The following B4GALT6 variants were observed in gnomAD, a reference collection of about 807,000 sequenced individuals.
B4GALT6 encodes beta-1,4-galactosyltransferase 6, also known as UDP-Gal:beta-GlcNAc beta-1,4-galactosyltransferase 6.
Under a neutral mutation model 46.3 loss-of-function variants are expected in B4GALT6, and 14 were observed. The observed-to-expected ratio is 0.30, with a 90% CI of 0.20 to 0.47. The LOEUF (loss-of-function observed/expected upper bound fraction) is 0.47, where lower values mean the gene tolerates loss of function less well. Among genes scored for constraint, B4GALT6 ranks in the 20% least tolerant of loss-of-function variants. The pLI is 0.99. For synonymous variants in B4GALT6, 168 were observed against 162.0 expected, an observed-to-expected ratio of 1.04 and a Z score of -0.28; for missense variants, 386 against 480.1, an observed-to-expected ratio of 0.80 and a Z score of 1.83.
At chr18:31,666,230 A>C in intron 2 of B4GALT6, 26 bp downstream of exon 2, 2 of 1,352,514 alleles carry the variant, frequency 1.5e-6, no homozygotes, top group Non-Finnish European at 2.1e-6. Context: ...TGTAACTACA[A>C]GGGGTTAAGC....
the B4GALT6 span, among the ~76,000 whole-genome samples, chr18:31,699,166 A>G: frequency 2.0e-5 from 3 of 152,032 alleles, no homozygotes; most frequent in Non-Finnish European, 4.4e-5. Flanking sequence ...TGAATTCTAC[A>G]ATAATTTTCA....
intron 6 of B4GALT6, among the ~76,000 whole-genome samples, chr18:31,627,993 C>T (rs991019581): frequency 6.6e-6 from 1 of 152,216 alleles, no homozygotes; most frequent in Admixed American, 6.5e-5. Flanking sequence ...GCTGCAACCA[C>T]AGCAAAGCTG....
the B4GALT6 span, among the ~76,000 whole-genome samples, chr18:31,720,985 C>T: frequency 6.6e-6 from 1 of 152,176 alleles, no homozygotes; most frequent in Non-Finnish European, 1.5e-5. Flanking sequence ...TACAGGGGAT[C>T]ATCACAGGAG....
chr18:31,653,797 C>A (rs192481414), intron 3 of B4GALT6, among the ~76,000 whole-genome samples: 237 of 152,282 alleles, frequency 1.6e-3, no homozygotes, highest in Non-Finnish European at 2.4e-3. Context: ...CTGCTCCAAG[C>A]TGCCACACAC....
At chr18:31,641,796 A>ATGCACCAT (rs1319359010) in intron 4 of B4GALT6, among the ~76,000 whole-genome samples, 3 of 152,338 alleles carry the variant, frequency 2.0e-5, no homozygotes, top group African/African-American at 7.2e-5. Flanking sequence ...TGCTGAACAT[A>ATGCACCAT]TGCACCATTT....
At chr18:31,642,645 T>A (rs967753609) in intron 4 of B4GALT6, among the ~76,000 whole-genome samples, 2 of 152,230 alleles carry the variant, frequency 1.3e-5, no homozygotes, top group Non-Finnish European at 2.9e-5. Context: ...CCTGCGCAGA[T>A]CTTCTACTTA....
intron 2 of B4GALT6, among the ~76,000 whole-genome samples, chr18:31,661,526 G>C (rs1376025830): frequency 6.6e-6 from 1 of 151,936 alleles, no homozygotes; most frequent in African/African-American, 2.4e-5. Context: ...TAATTAGCTA[G>C]TGTGCGCTCT....
intron 1 of B4GALT6, among the ~76,000 whole-genome samples, chr18:31,676,979 G>C (rs2144731454): frequency 6.6e-6 from 1 of 152,200 alleles, no homozygotes; most frequent in Middle Eastern, 3.4e-3. Context: ...TTCCAAATCA[G>C]TTTAACTTAT....
At chr18:31,704,597 G>C in the B4GALT6 span, among the ~76,000 whole-genome samples, 2 of 152,040 alleles carry the variant, frequency 1.3e-5, no homozygotes, top group Non-Finnish European at 2.9e-5. Flanking sequence ...CAAACACTCA[G>C]GTATTTGGAC....
chr18:31,668,848 A>AG (rs1286166881), intron 1 of B4GALT6, among the ~76,000 whole-genome samples: 9 of 52,380 alleles, frequency 1.7e-4, no homozygotes, highest in Non-Finnish European at 6.2e-4. Context: ...AAAAAAATAC[A>AG]AAAAAAAAAA....
intron 2 of B4GALT6, among the ~76,000 whole-genome samples, chr18:31,661,838 G>A (rs2074221437): frequency 6.6e-6 from 1 of 152,182 alleles, no homozygotes; most frequent in African/African-American, 2.4e-5. Flanking sequence ...TCCTGAGGCA[G>A]AAAAATATCT....
intron 3 of B4GALT6, among the ~76,000 whole-genome samples, chr18:31,649,564 TAAAAAATGAGCAAAAAAAAAAAAA>T (rs2074035577): frequency 1.9e-5 from 1 of 52,818 alleles, no homozygotes; most frequent in South Asian, 5.2e-4. Context: ...ACAACCCCAT[TAAAAAATGAGCAAAAAAAAAAAAA>T]AAAAAATGAG....
chr18:31,656,719 A>T (rs1181126940), intron 3 of B4GALT6, among the ~76,000 whole-genome samples: 2 of 152,168 alleles, frequency 1.3e-5, no homozygotes, highest in African/African-American at 4.8e-5. Context: ...TCATAATTTT[A>T]AACTTCCATA....
chr18:31,653,676 A>G (rs190753431), intron 3 of B4GALT6, among the ~76,000 whole-genome samples: 191 of 151,820 alleles, frequency 1.3e-3, no homozygotes, highest in African/African-American at 4.2e-3. Context: ...TGAACTCCTG[A>G]CCTCAAGTAA....
intron 1 of B4GALT6, among the ~76,000 whole-genome samples, chr18:31,679,738 G>A (rs909799507): frequency 5.3e-5 from 8 of 152,136 alleles, no homozygotes; most frequent in Non-Finnish European, 1.0e-4. Flanking sequence ...ATATCACACA[G>A]GGATCCCAAC....
chr18:31,721,549 T>G, the B4GALT6 span, among the ~76,000 whole-genome samples: 1 of 152,238 alleles, frequency 6.6e-6, no homozygotes, highest in Admixed American at 6.5e-5. Flanking sequence ...ATGAAGATAT[T>G]TTGTAGATGT....
chr18:31,644,089 G>A (rs1030800131), intron 4 of B4GALT6, among the ~76,000 whole-genome samples: 1 of 152,170 alleles, frequency 6.6e-6, no homozygotes, highest in Non-Finnish European at 1.5e-5. Flanking sequence ...AGATTCATTT[G>A]TTAAATGAAT....
chr18:31,690,541 C>T (rs2030073065), upstream of B4GALT6, among the ~76,000 whole-genome samples: 1 of 152,002 alleles, frequency 6.6e-6, no homozygotes, highest in African/African-American at 2.4e-5. Context: ...ACTATCTTGG[C>T]TCACTCTAAC....
intron 1 of B4GALT6, among the ~76,000 whole-genome samples, chr18:31,677,145 T>A (rs1446405436): frequency 6.6e-6 from 1 of 151,866 alleles, no homozygotes; most frequent in Non-Finnish European, 1.5e-5. Context: ...AAAACAAAGA[T>A]GCAAGCAAAA....
Sources: allele counts gnomAD v4.1 joint callset (sites outside exome capture counted in the v4.1 genomes callset), GRCh38; gene constraint gnomAD v4.1.1; transcripts MANE v1.5; gene names NCBI Gene and HGNC (gene_info 2026-07-23, HGNC 2026-07-21).